RAD18: variants seen among roughly 807,000 people sequenced by gnomAD.
RAD18 encodes RAD18 E3 ubiquitin protein ligase, also known as E3 ubiquitin-protein ligase RAD18.
A neutral mutation model predicts 60.4 loss-of-function variants in RAD18; 47 were observed. The observed-to-expected ratio is 0.78, with a 90% CI of 0.62 to 0.99. The LOEUF (loss-of-function observed/expected upper bound fraction) is 0.99. Among genes scored for constraint, RAD18 ranks in the 50% least tolerant of loss-of-function variants. The pLI is 0.00. For synonymous variants in RAD18, 225 were observed against 195.5 expected (o/e 1.15, Z -1.26); for missense variants, 640 against 593.3 (o/e 1.08, Z -0.82).
In RAD18 at chr3:8,935,926, G is replaced by A. The variant is rs1287476640; in HGVS notation, c.834C>T (p.His278=). Residue 278 remains histidine, a synonymous_variant, in exon 7 of 13, where the codon CAC becomes CAT. Transcript: ENST00000264926. ...QGNKQQLIKR[H]QEFVHMYNAQ... ...CATTGTACATGTGTACAAATTCTTGGTGCCTTTTAATGAGCTGTTGTTTAT... is the reference window on the plus strand; with the variant it reads ...CATTGTACATGTGTACAAATTCTTGATGCCTTTTAATGAGCTGTTGTTTAT... The A allele has an allele frequency of 6.2e-7, 1 of 1,611,854 alleles. No individual in the cohort carries two copies. The highest frequency in any genetic ancestry group is 1.7e-5 in the Admixed American group (1 of 59,762).
chr3:8,939,367 C>A (rs1940705944), intron 6 of RAD18, among the ~76,000 whole-genome samples, 187 bp downstream of exon 6: 1 of 152,020 alleles, frequency 6.6e-6, no homozygotes, highest in Non-Finnish European at 1.5e-5. Context: ...TCATATTTGG[C>A]AAAGTGGGAG....
At chr3:8,944,994 A>T (rs45582731) in intron 4 of RAD18, among the ~76,000 whole-genome samples, 4,515 of 152,338 alleles carry the variant, frequency 0.03, 95 homozygotes, top group Middle Eastern at 0.061. Flanking sequence ...AAAAGTAACA[A>T]TACAACAATG....
intron 7 of RAD18, among the ~76,000 whole-genome samples, chr3:8,925,440 G>T (rs1230764020): frequency 6.6e-6 from 1 of 152,120 alleles, no homozygotes; most frequent in Non-Finnish European, 1.5e-5. Flanking sequence ...ACCAAAAAAA[G>T]TCCAGGACCA....
chr3:8,895,857 T>C (rs1316435688), intron 11 of RAD18, among the ~76,000 whole-genome samples: 1 of 152,222 alleles, frequency 6.6e-6, no homozygotes, highest in Non-Finnish European at 1.5e-5. Context: ...CTCCCCCTTT[T>C]AGAAAAGAGG....
chr3:8,902,482 G>C lies in RAD18; in HGVS notation c.1066C>G (p.Gln356Glu). The change falls in exon 10 of 13, where the codon CAG becomes GAG. Residue 356 changes from glutamine to glutamate, a missense_variant. Gln to Glu is a conservative substitution (Grantham distance 29). Transcript: ENST00000264926. ...HKSEFQLLVD[Q>E]ARKGYKKIAG... ...ATTTTCTTGTATCCTTTTCTAGCCTGATCCACCAGAAGCTGAAATTCACTC... is the reference window on the plus strand; with the variant it reads ...ATTTTCTTGTATCCTTTTCTAGCCTCATCCACCAGAAGCTGAAATTCACTC... 1.2e-6 allele frequency: 2 copies of C among 1,608,338 alleles called. No homozygotes were observed. Among genetic ancestry groups the C allele is most frequent in the South Asian group, 2.2e-5 (2 of 89,914 alleles).
chr3:8,904,115 A>C (rs1421509524), intron 9 of RAD18, among the ~76,000 whole-genome samples: 2 of 152,222 alleles, frequency 1.3e-5, no homozygotes, highest in Admixed American at 1.3e-4. Context: ...ATGTGGAAGA[A>C]GCCAGTTTTT....
intron 4 of RAD18, 85 bp downstream of exon 4, chr3:8,947,135 C>A: frequency 9.7e-7 from 1 of 1,034,984 alleles, no homozygotes; most frequent in Admixed American, 2.1e-5. Flanking sequence ...CCCTGCATTC[C>A]CTAATCCAAA....
chr3:8,898,800 G>A (rs1285102771), intron 11 of RAD18, 94 bp downstream of exon 11: 1 of 1,090,966 alleles, frequency 9.2e-7, no homozygotes. Context: ...ACCATGCCAT[G>A]CCTCAAAGCT....
chr3:8,903,146 T>C (rs1000819212), intron 9 of RAD18, among the ~76,000 whole-genome samples: 1 of 151,842 alleles, frequency 6.6e-6, no homozygotes, highest in Non-Finnish European at 1.5e-5. Context: ...AGGGCTGGAG[T>C]GTCATGGAAC....
At chr3:8,923,968 T>A (rs1348589886) in intron 7 of RAD18, among the ~76,000 whole-genome samples, 1 of 152,126 alleles carries the variant, frequency 6.6e-6, no homozygotes, top group Non-Finnish European at 1.5e-5. Flanking sequence ...ACATGCCAAA[T>A]TGTAAAGACC....
intron 11 of RAD18, among the ~76,000 whole-genome samples, chr3:8,897,069 T>G (rs1269052919): frequency 6.6e-6 from 1 of 152,222 alleles, no homozygotes; most frequent in Non-Finnish European, 1.5e-5. Flanking sequence ...CTTACAAGCT[T>G]AAGAAACAAA....
At chr3:8,905,425 CAA>C (rs1939986247) in intron 9 of RAD18, among the ~76,000 whole-genome samples, 1 of 152,126 alleles carries the variant, frequency 6.6e-6, no homozygotes, top group East Asian at 1.9e-4. Flanking sequence ...CCCAGTGGTA[CAA>C]AAGACTAAAA....
Position 8,941,727 on chromosome 3 carries a change from T to G in RAD18, c.344A>C (p.Lys115Thr). Reference sequence around the variant, plus strand: ...TCTGGAGGCTACAGGAGTATATACTTTGACAGCAAGATTCTTTGAAGAGGA... The same window carrying G: ...TCTGGAGGCTACAGGAGTATATACTGTGACAGCAAGATTCTTTGAAGAGGA... ...ASSSSKNLAV[K>T]VYTPVASRQS... is the part of the protein sequence containing the mutation. Residue 115 changes from lysine (K) to threonine (T), a missense_variant, in exon 5 of 13, where the codon AAA (lysine) becomes ACA (threonine). Lys to Thr is a moderately conservative substitution (Grantham distance 78). Coordinates refer to ENST00000264926, the MANE Select transcript of RAD18 (RefSeq NM_020165.4). 2 of 1,614,138 alleles carry G rather than the reference T, an allele frequency of 1.2e-6. No homozygotes were observed. Among genetic ancestry groups the G allele is most frequent in the Non-Finnish European group, 1.7e-6 (2 of 1,180,012 alleles).
chr3:8,930,877 G>A (rs1263077128), intron 7 of RAD18, among the ~76,000 whole-genome samples: 2 of 152,058 alleles, frequency 1.3e-5, no homozygotes, highest in Non-Finnish European at 2.9e-5. Flanking sequence ...TCCTTCTGGG[G>A]AGACAGACCC....
chr3:8,890,483 C>T, intron 11 of RAD18, 32 bp from the exon 12 acceptor site: 1 of 1,456,592 alleles, frequency 6.9e-7, no homozygotes, highest in Non-Finnish European at 9.6e-7. Flanking sequence ...TATTGACAGA[C>T]AACAAGAAGA....
At chr3:8,911,199 T>C (rs1940098584) in intron 9 of RAD18, among the ~76,000 whole-genome samples, 1 of 152,200 alleles carries the variant, frequency 6.6e-6, no homozygotes, top group African/African-American at 2.4e-5. Context: ...TTTAGTAAAG[T>C]TACACTTTTT....
At position 8,959,004 on chromosome 3, in the gene RAD18, G is replaced by A; in HGVS notation, c.52-3C>T. 1.2e-6 allele frequency: 2 copies of A among 1,612,592 alleles called. No individual in the cohort carries two copies. Among genetic ancestry groups the A allele is most frequent in the Non-Finnish European group, 1.7e-6 (2 of 1,178,780 alleles). ...CACCGCAGCAAATCATCTATTGTCT[G>A]AAATGCAAATATGCATATATACATA... On this transcript the variant is annotated splice_polypyrimidine_tract_variant and splice_region_variant and intron_variant, in intron 1 of 12. Transcript: ENST00000264926.
chr3:8,950,730 C>A (rs1354361866), intron 2 of RAD18, among the ~76,000 whole-genome samples: 1 of 152,090 alleles, frequency 6.6e-6, no homozygotes. Context: ...AATTATCGGA[C>A]CAGCAATTTT....
intron 7 of RAD18, among the ~76,000 whole-genome samples, chr3:8,922,023 C>T (rs553177561): frequency 6.6e-5 from 10 of 152,292 alleles, no homozygotes; most frequent in South Asian, 2.1e-4. Flanking sequence ...ACGCAGAAGA[C>T]GGATGATTTC....
Sources: gnomAD v4.1 joint callset for allele counts (sites outside exome capture counted in the v4.1 genomes callset) on GRCh38, gnomAD v4.1.1 for gene constraint, MANE v1.5 for transcripts, NCBI Gene and HGNC (gene_info 2026-07-23, HGNC 2026-07-21) for gene names.